Variants in VPS8 observed in about 807,000 individuals in gnomAD.
VPS8 encodes VPS8 subunit of CORVET complex.
In VPS8, 129 loss-of-function variants were observed where a neutral mutation model predicts 216.4. The ratio of observed to expected loss-of-function variants is 0.60; its 90% CI spans 0.52 to 0.69. The LOEUF is 0.69. Ranked by LOEUF, VPS8 falls within the 30% of genes least tolerant of loss-of-function variation. The pLI is 0.00. For synonymous variants in VPS8, 571 were observed against 565.4 expected (o/e 1.01, Z -0.14); for missense variants, 1,531 against 1,683.5 (o/e 0.91, Z 1.59).
chr3:184,812,652 T>C (rs1377832811), intron 1 of VPS8: 1 of 152,210 alleles, frequency 6.6e-6, no homozygotes, highest in Non-Finnish European at 1.5e-5. Flanking sequence ...CCTATCTACT[T>C]TGCGACTATA....
In VPS8 at chr3:184,993,993, A is replaced by G. The variant is rs752280635; in HGVS notation, c.3596A>G (p.Tyr1199Cys). 4.6e-5 allele frequency: 72 copies of G among 1,561,986 alleles called. No individual in the cohort carries two copies. The highest frequency in any genetic ancestry group is 5.2e-5 in the Non-Finnish European group (60 of 1,154,406). ...ATTTTTTCCGATTAGGATCCAGTTT[A>G]TGGAAAAGGAAAACTTGGAGAAATC... ...ILQRILQDPVYGKGKLGEIQG... is the reference protein window; with the variant it reads ...ILQRILQDPVCGKGKLGEIQG... The change falls in exon 43 of 48, where the codon TAT becomes TGT. Residue 1199 changes from tyrosine to cysteine, a missense_variant. Transcript: ENST00000625842.
At chr3:185,007,304 T>A (rs2109967430) in intron 45 of VPS8, among the ~76,000 whole-genome samples, 1 of 152,346 alleles carries the variant, frequency 6.6e-6, no homozygotes, top group Non-Finnish European at 1.5e-5. Context: ...GCTGAAGTAC[T>A]CAACATTCTA....
chr3:184,828,471 T>C (rs1281650896), intron 3 of VPS8, among the ~76,000 whole-genome samples: 1 of 152,176 alleles, frequency 6.6e-6, no homozygotes, highest in African/African-American at 2.4e-5. Flanking sequence ...TAGAGATTAC[T>C]GAGACATCCT....
At chr3:184,876,957 T>G (rs1219427524) in intron 21 of VPS8, among the ~76,000 whole-genome samples, 1 of 152,198 alleles carries the variant, frequency 6.6e-6, no homozygotes, top group East Asian at 1.9e-4. Flanking sequence ...CTTCCTATTG[T>G]TTCTGAGGTA....
chr3:184,869,106 A>ATTCC, intron 19 of VPS8, 70 bp downstream of exon 19: 1 of 1,388,130 alleles, frequency 7.2e-7, no homozygotes, highest in Non-Finnish European at 1.0e-6. Flanking sequence ...AGTACTAACC[A>ATTCC]CTCATAGGAC....
chr3:185,031,091 T>TTTA (rs1758097347), intron 46 of VPS8, among the ~76,000 whole-genome samples: 1 of 144,562 alleles, frequency 6.9e-6, no homozygotes, highest in East Asian at 2.0e-4. Context: ...TTTTTTTTTT[T>TTTA]AAGGGAAAAA....
chr3:184,996,519 ATGTTACATGTATG>A lies in VPS8; in HGVS notation c.3836+19_3836+31del. 1 of 1,593,480 alleles carries A rather than the reference ATGTTACATGTATG, an allele frequency of 6.3e-7. No homozygotes were observed. The highest frequency in any genetic ancestry group is 8.6e-7 in the Non-Finnish European group (1 of 1,169,276). On this transcript the variant is annotated intron_variant, in intron 44 of 47. Coordinates refer to ENST00000625842, the MANE Select transcript of VPS8 (RefSeq NM_001009921.3). Reference sequence around the variant, plus strand: ...GTCTTTAGGTAAGAAAGGGAAGGAAATGTTACATGTATGGTACATGTACATCTGTGGCATTACC... The same window carrying A: ...GTCTTTAGGTAAGAAAGGGAAGGAAAGTACATGTACATCTGTGGCATTACC...
chr3:184,834,917 T>A, intron 5 of VPS8, 175 bp downstream of exon 5: 1 of 494,768 alleles, frequency 2.0e-6, no homozygotes, highest in Non-Finnish European at 3.5e-6. Flanking sequence ...GCTACACGTC[T>A]TGACAGAAAT....
Position 184,824,597 on chromosome 3 carries a change from GC to G in VPS8, c.-35del. ...AAGGCCAAACAAACAAAAAACACTTGCTTTGATGGACTGAATACTGTTATTA... is the reference window on the plus strand; with the variant it reads ...AAGGCCAAACAAACAAAAAACACTTGTTTGATGGACTGAATACTGTTATTA... On this transcript the variant is annotated 5_prime_UTR_variant, in exon 2 of 48. Transcript: ENST00000625842. 1.3e-6 allele frequency: 2 copies of G among 1,584,458 alleles called. No individual in the cohort carries two copies. Among genetic ancestry groups the G allele is most frequent in the Non-Finnish European group, 1.7e-6 (2 of 1,163,086 alleles).
chr3:184,867,367 C>G (rs1204438790), intron 17 of VPS8, among the ~76,000 whole-genome samples: 1 of 152,136 alleles, frequency 6.6e-6, no homozygotes, highest in Non-Finnish European at 1.5e-5. Flanking sequence ...ACTTTCTGTA[C>G]CTCAATTTAT....
chr3:184,857,828 AG>A (rs1438829531), intron 14 of VPS8, among the ~76,000 whole-genome samples: 1 of 152,226 alleles, frequency 6.6e-6, no homozygotes, highest in African/African-American at 2.4e-5. Context: ...ACTGAGAAAG[AG>A]TAGGTGACTG....
intron 23 of VPS8, among the ~76,000 whole-genome samples, chr3:184,898,304 T>C (rs1398657821): frequency 5.9e-5 from 9 of 152,090 alleles, no homozygotes; most frequent in Admixed American, 5.9e-4. Flanking sequence ...AAAATGAATA[T>C]AGAAAGGGGA....
intron 23 of VPS8, among the ~76,000 whole-genome samples, chr3:184,897,593 G>A (rs1387724758): frequency 1.3e-5 from 2 of 152,156 alleles, no homozygotes; most frequent in Non-Finnish European, 2.9e-5. Flanking sequence ...AGTCATCAGT[G>A]AAGAGATGCA....
At chr3:185,024,411 A>G in intron 46 of VPS8, 22 bp downstream of exon 46, 3 of 1,581,566 alleles carry the variant, frequency 1.9e-6, no homozygotes, top group Non-Finnish European at 2.6e-6. Context: ...TTAAAGGCAA[A>G]AAACCAGTTC....
chr3:184,849,093 C>A lies in VPS8; in HGVS notation c.564C>A (p.Leu188=). ...TAGATCAGAATCAAGCTTTGCGACT[C>A]TGTCTGGGTAGCACTAGTGTTGGAG... ...FGKDQNQALR[L]CLGSTSVGGQ... Residue 188 remains leucine (L), a synonymous_variant, in exon 9 of 48, where the codon CTC becomes CTA. Coordinates refer to ENST00000625842, the MANE Select transcript of VPS8 (RefSeq NM_001009921.3). 1 of 1,613,400 alleles carries A rather than the reference C, an allele frequency of 6.2e-7. No homozygotes were observed. Among genetic ancestry groups the A allele is most frequent in the South Asian group, 1.1e-5 (1 of 91,082 alleles).
chr3:184,914,598 G>C (rs1737178980), intron 26 of VPS8, among the ~76,000 whole-genome samples: 1 of 152,178 alleles, frequency 6.6e-6, no homozygotes, highest in Non-Finnish European at 1.5e-5. Context: ...CAGTATCTGA[G>C]AACGCCAGGC....
At chr3:185,002,715 TTCCTGAGTTA>T (rs1234964419) in intron 45 of VPS8, among the ~76,000 whole-genome samples, 1 of 152,244 alleles carries the variant, frequency 6.6e-6, no homozygotes, top group Non-Finnish European at 1.5e-5. Flanking sequence ...TGGTTTTCCA[TTCCTGAGTTA>T]CTTCACTTAG....
intron 42 of VPS8, 115 bp from the exon 43 acceptor site, chr3:184,993,868 A>G (rs1752252591): frequency 1.3e-6 from 1 of 778,462 alleles, no homozygotes; most frequent in South Asian, 1.9e-5. Context: ...GGAAGAATAA[A>G]TATTTTGTGA....
intron 14 of VPS8, among the ~76,000 whole-genome samples, chr3:184,857,481 A>G (rs1725477148): frequency 6.6e-6 from 1 of 152,326 alleles, no homozygotes; most frequent in South Asian, 2.1e-4. Context: ...ATCCAATATG[A>G]TGAGAAGGCT....
Sources: gnomAD v4.1 joint callset for allele counts (sites outside exome capture counted in the v4.1 genomes callset) on GRCh38, gnomAD v4.1.1 for gene constraint, MANE v1.5 for transcripts, NCBI Gene and HGNC (gene_info 2026-07-23, HGNC 2026-07-21) for gene names.